Variants in NKAIN3 observed in about 807,000 individuals in gnomAD.
The protein encoded by NKAIN3 is sodium/potassium-transporting ATPase subunit beta-1-interacting protein 3.
NKAIN3 carries 25 observed loss-of-function variants against 30.2 expected under a neutral mutation model. The ratio of observed to expected loss-of-function variants is 0.83; its 90% CI spans 0.60 to 1.16. NKAIN3 has a LOEUF of 1.16. NKAIN3 is among the 50% of genes most tolerant of loss of function. The pLI is 0.00. For synonymous variants in NKAIN3, 91 were observed against 89.6 expected (o/e 1.02, Z -0.09); for missense variants, 225 against 254.1 (o/e 0.89, Z 0.78).
At chr8:62,932,834 C>T (rs983313975) in intron 5 of NKAIN3, among the ~76,000 whole-genome samples, 1 of 152,086 alleles carries the variant, frequency 6.6e-6, no homozygotes, top group South Asian at 2.1e-4. Context: ...AACTCCTGAG[C>T]TCAAGTGATT....
rs73164851 is a variant in NKAIN3 at position 62,290,729 on chromosome 8, G to T, written c.54+41602G>T. On this transcript the variant is annotated intron_variant, in intron 1 of 6. Coordinates refer to ENST00000623646, the MANE Select transcript of NKAIN3 (RefSeq NM_001304533.3). ...TTTTTGTGTGTCTCTGTCAGGCTTT[G>T]GTATCAGGATGATATTGGCCTCGTA... 1.3e-5 allele frequency among the ~76,000 whole-genome samples: 2 copies of T among 152,122 alleles called. 1 individual carries two copies. The highest frequency in any genetic ancestry group is 1.3e-4 in the Admixed American group (2 of 15,262).
At chr8:62,272,719 A>T (rs1244094437) in intron 1 of NKAIN3, among the ~76,000 whole-genome samples, 1 of 152,140 alleles carries the variant, frequency 6.6e-6, no homozygotes, top group Non-Finnish European at 1.5e-5. Context: ...TGTCAAGGTG[A>T]GGCATTCAGA....
chr8:62,393,835 GTTTTTC>G (rs1277498902), intron 1 of NKAIN3, among the ~76,000 whole-genome samples: 1 of 152,048 alleles, frequency 6.6e-6, no homozygotes, highest in Non-Finnish European at 1.5e-5. Context: ...ATTTGTAAGA[GTTTTTC>G]TTTTTATGGT....
At chr8:62,827,534 C>T (rs1175639500) in intron 4 of NKAIN3, among the ~76,000 whole-genome samples, 1 of 152,054 alleles carries the variant, frequency 6.6e-6, no homozygotes, top group Non-Finnish European at 1.5e-5. Flanking sequence ...ATTATTTCAC[C>T]TAAATCATCT....
intron 4 of NKAIN3, among the ~76,000 whole-genome samples, chr8:62,895,985 C>CTTTTTT (rs59333584): frequency 6.6e-6 from 1 of 150,608 alleles, no homozygotes. Context: ...TAGATCCTGG[C>CTTTTTT]TTTTTTTTTC....
intron 1 of NKAIN3, among the ~76,000 whole-genome samples, chr8:62,521,370 T>C (rs1808152877): frequency 6.6e-6 from 1 of 152,168 alleles, no homozygotes; most frequent in Non-Finnish European, 1.5e-5. Flanking sequence ...TTTTCCCTTG[T>C]CTGGGAATGT....
chr8:62,294,652 A>G (rs1813768544), intron 1 of NKAIN3, among the ~76,000 whole-genome samples: 1 of 151,870 alleles, frequency 6.6e-6, no homozygotes, highest in Admixed American at 6.6e-5. Flanking sequence ...AATTTCAGCT[A>G]TTTTCCCACC....
At chr8:62,669,424 T>C (rs1813230433) in intron 3 of NKAIN3, among the ~76,000 whole-genome samples, 1 of 152,218 alleles carries the variant, frequency 6.6e-6, no homozygotes, top group African/African-American at 2.4e-5. Context: ...TCAGGATCTC[T>C]TGAAACTGTG....
chr8:62,904,790 G>T (rs1166672143), intron 4 of NKAIN3, among the ~76,000 whole-genome samples: 1 of 152,188 alleles, frequency 6.6e-6, no homozygotes, highest in African/African-American at 2.4e-5. Context: ...ATGCAAAGTT[G>T]AATTGAGAAA....
intron 1 of NKAIN3, among the ~76,000 whole-genome samples, chr8:62,386,750 A>G (rs1817435064): frequency 6.6e-6 from 1 of 152,186 alleles, no homozygotes; most frequent in Admixed American, 6.5e-5. Context: ...GACTTTGAGC[A>G]CCAGCTTTGC....
chr8:62,830,658 A>G (rs1376108031), intron 4 of NKAIN3, among the ~76,000 whole-genome samples: 3 of 152,204 alleles, frequency 2.0e-5, no homozygotes, highest in African/African-American at 7.2e-5. Flanking sequence ...AAGCCCAGGC[A>G]CTTGGACAGC....
chr8:62,746,945 T>A lies in NKAIN3; in HGVS notation c.287T>A (p.Met96Lys). 1 of 1,607,480 alleles carries A rather than the reference T, an allele frequency of 6.2e-7. No individual in the cohort carries two copies. Residue 96 changes from methionine to lysine, a missense_variant, in exon 4 of 7, where the codon ATG becomes AAG. Transcript: ENST00000623646. ...VGGLSKDTDLMTFNISVHRSW... is the reference protein window; with the variant it reads ...VGGLSKDTDLKTFNISVHRSW... ...CTACCCACCTAGGACACCGATCTAA[T>A]GACATTCAATATCTCTGTACATCGG...
intron 1 of NKAIN3, among the ~76,000 whole-genome samples, chr8:62,447,984 G>A (rs1361923009): frequency 1.3e-5 from 2 of 151,904 alleles, no homozygotes; most frequent in Non-Finnish European, 2.9e-5. Context: ...GAGAGTATTA[G>A]GTGTAACTGC....
At chr8:62,683,032 T>C (rs1162447500) in intron 3 of NKAIN3, among the ~76,000 whole-genome samples, 1 of 152,054 alleles carries the variant, frequency 6.6e-6, no homozygotes, top group African/African-American at 2.4e-5. Context: ...TTTTTTTGTT[T>C]GTTTGTTTGT....
intron 4 of NKAIN3, among the ~76,000 whole-genome samples, chr8:62,846,184 A>C (rs1040853445): frequency 6.6e-6 from 1 of 152,204 alleles, no homozygotes; most frequent in East Asian, 1.9e-4. Context: ...TTTTCAGTCC[A>C]GTAAATGATG....
chr8:62,942,134 AT>A (rs1822974542), intron 5 of NKAIN3, among the ~76,000 whole-genome samples: 1 of 150,802 alleles, frequency 6.6e-6, no homozygotes, highest in Non-Finnish European at 1.5e-5. Context: ...AAAGCTGTGA[AT>A]CAAATAAGAA....
intron 1 of NKAIN3, among the ~76,000 whole-genome samples, chr8:62,530,551 A>G (rs1287581789): frequency 1.3e-5 from 2 of 152,154 alleles, no homozygotes; most frequent in Non-Finnish European, 1.5e-5. Context: ...AGAGGTAAGA[A>G]CAGGTTGACA....
intron 2 of NKAIN3, among the ~76,000 whole-genome samples, chr8:62,583,706 C>A (rs1810373449): frequency 6.6e-6 from 1 of 152,106 alleles, no homozygotes; most frequent in African/African-American, 2.4e-5. Context: ...CTTTCACTGG[C>A]AGATTCCAGA....
intron 4 of NKAIN3, among the ~76,000 whole-genome samples, chr8:62,784,251 C>A (rs79536095): frequency 6.6e-6 from 1 of 151,402 alleles, no homozygotes; most frequent in Admixed American, 6.6e-5. Context: ...ATCCCTAAAG[C>A]AAGCAGAAGT....
Sources: gnomAD v4.1 joint callset for allele counts (sites outside exome capture counted in the v4.1 genomes callset) on GRCh38, gnomAD v4.1.1 for gene constraint, MANE v1.5 for transcripts, NCBI Gene and HGNC (gene_info 2026-07-23, HGNC 2026-07-21) for gene names.